AMACR: variants seen among roughly 807,000 people sequenced by gnomAD.
The protein encoded by AMACR is alpha-methylacyl-CoA racemase.
AMACR carries 18 observed loss-of-function variants against 22.2 expected under a neutral mutation model. The observed-to-expected ratio is 0.81, with a 90% CI of 0.56 to 1.20. The LOEUF (loss-of-function observed/expected upper bound fraction) is 1.20. Ranked by LOEUF, AMACR falls within the 50% of genes most tolerant of loss-of-function variation. The pLI is 0.00. For missense variants in AMACR, 499 were observed against 490.6 expected, an observed-to-expected ratio of 1.02 and a Z score of -0.16; for synonymous variants, 213 against 191.3, an observed-to-expected ratio of 1.11 and a Z score of -0.94.
chr5:33,997,796 T>C (rs1290159450), intron 4 of AMACR: 6 of 461,572 alleles, frequency 1.3e-5, no homozygotes, highest in Non-Finnish European at 2.3e-5. Context: ...TCTCAGATGC[T>C]TGCAAAAACA....
At chr5:33,996,960 T>C (rs1378572298) in intron 4 of AMACR, 1 of 565,534 alleles carries the variant, frequency 1.8e-6, no homozygotes, top group African/African-American at 1.9e-5. Flanking sequence ...TGAGGAGTCC[T>C]GGGAGTTGTC....
intron 3 of AMACR, among the ~76,000 whole-genome samples, chr5:34,001,607 T>C (rs1004969854): frequency 5.3e-5 from 8 of 152,188 alleles, no homozygotes; most frequent in African/African-American, 1.9e-4. Flanking sequence ...ACAGTTAATT[T>C]AACAACGCTG....
rs141969465 is a variant in AMACR at position 33,987,983 on chromosome 5, C to A, written c.*1110G>T. The A allele has an allele frequency of 4.0e-4, 76 of 191,008 alleles. No homozygotes were observed. The highest frequency in any genetic ancestry group is 1.8e-3 in the African/African-American group (76 of 43,066). The allele number at this position is 191,008 out of a possible 1,614,324, so 11.8% of individuals were successfully genotyped here. On this transcript the variant is annotated 3_prime_UTR_variant, in exon 5 of 5. Coordinates refer to ENST00000335606, the MANE Select transcript of AMACR (RefSeq NM_014324.6). ...AAGCCCTTCTGAGTCTCTGTTTTCTCAACTGTAAGATGAAGAAACCTGCTC... is the reference window on the plus strand; with the variant it reads ...AAGCCCTTCTGAGTCTCTGTTTTCTAAACTGTAAGATGAAGAAACCTGCTC...
rs1753335514 is a variant in AMACR, at chr5:33,987,675, G to A, written c.*1418C>T. The A allele has an allele frequency of 2.0e-5, 3 of 152,256 alleles. No individual in the cohort carries two copies. The South Asian group carries it at 6.2e-4, about 31-fold the overall frequency. 9.4% of individuals were successfully genotyped at this position (152,256 alleles called of 1,614,324 possible). A position where few individuals can be genotyped will look rare whatever the true frequency, so the allele number is the denominator to read the frequency against. On this transcript the variant is annotated 3_prime_UTR_variant, in exon 5 of 5. Transcript: ENST00000335606. The stretch of plus-strand genomic sequence containing the variant: ...TGGACACCAACATGGAGCAGAAAAT[G>A]AGGGCAGCAGTGTCCAATCTCATTC...
chr5:33,993,265 T>C (rs1054439950), intron 4 of AMACR, among the ~76,000 whole-genome samples: 4 of 152,248 alleles, frequency 2.6e-5, no homozygotes, highest in Non-Finnish European at 4.4e-5. Context: ...TCTTGTTTTT[T>C]TCAGGCTGAA....
At position 33,989,240 on chromosome 5, in the gene AMACR, G is replaced by C; in HGVS notation, c.1002C>G (p.Thr334=). 6.2e-7 allele frequency: 1 copy of C among 1,614,122 alleles called. No individual in the cohort carries two copies. The highest frequency in any genetic ancestry group is 8.5e-7 in the Non-Finnish European group (1 of 1,180,028). ...CCCTTTTGAAAGAAGGGATGGCTGG[G>C]GTGTTTAACAGCAGAGGTGCAGGGC... The part of the protein sequence containing the change: ...SPRPAPLLLN[T]PAIPSFKRDP... The change falls in exon 5 of 5, where the codon ACC becomes ACG. Residue 334 remains threonine, a synonymous_variant. Transcript: ENST00000335606.
At chr5:34,005,929 A>G (rs1298180315) in intron 1 of AMACR, 30 bp from the exon 2 acceptor site, 1 of 1,613,064 alleles carries the variant, frequency 6.2e-7, no homozygotes. Flanking sequence ...TCTTCTTAAG[A>G]GAGTATGAAT....
At chr5:33,995,044 T>C (rs1352753947) in intron 4 of AMACR, among the ~76,000 whole-genome samples, 1 of 152,128 alleles carries the variant, frequency 6.6e-6, no homozygotes, top group Non-Finnish European at 1.5e-5. Flanking sequence ...ATTCCAGAAA[T>C]AAACAATTCA....
chr5:33,999,419 T>C (rs186270423), intron 3 of AMACR, among the ~76,000 whole-genome samples: 22 of 152,356 alleles, frequency 1.4e-4, no homozygotes, highest in African/African-American at 5.1e-4. Context: ...GGCAGGTATG[T>C]GCATTTTCTG....
rs1270777437 is a variant in AMACR, at chr5:33,988,606, G to C, written c.*487C>G. On this transcript the variant is annotated 3_prime_UTR_variant, in exon 5 of 5. Transcript: ENST00000335606. ...AGTGTGATAACTGTTGCTAAAGTTT[G>C]GAATGTGCTTAGAGGGAGATCATGA... The C allele has an allele frequency of 7.6e-7, 1 of 1,310,676 alleles. No individual in the cohort carries two copies. The highest frequency in any genetic ancestry group is 9.7e-7 in the Non-Finnish European group (1 of 1,030,008). The allele number at this position is 1,310,676 out of a possible 1,614,324, so 81.2% of individuals were successfully genotyped here. A position where few individuals can be genotyped will look rare whatever the true frequency, so the allele number is the denominator to read the frequency against.
At chr5:33,991,747 A>ATTATTT (rs1753482387) in intron 4 of AMACR, among the ~76,000 whole-genome samples, 1 of 149,950 alleles carries the variant, frequency 6.7e-6, no homozygotes, top group South Asian at 2.1e-4. Context: ...TATTATTATT[A>ATTATTT]TTATTATTTT....
chr5:33,997,555 T>G (rs1561041414), intron 4 of AMACR: 1 of 777,006 alleles, frequency 1.3e-6, no homozygotes, highest in Non-Finnish European at 2.4e-6. Context: ...TGAATATCAT[T>G]TGCTATCTTC....
chr5:34,005,688 TAATC>T (rs1190651400), intron 2 of AMACR, 64 bp downstream of exon 2: 1 of 1,563,300 alleles, frequency 6.4e-7, no homozygotes, highest in East Asian at 2.3e-5. Context: ...AAATTATTGT[TAATC>T]AACATACCTG....
chr5:33,994,733 G>C (rs9282592), intron 4 of AMACR, among the ~76,000 whole-genome samples: 1 of 152,196 alleles, frequency 6.6e-6, no homozygotes, highest in Non-Finnish European at 1.5e-5. Context: ...TATCATAAAA[G>C]GCTATGGATG....
intron 3 of AMACR, among the ~76,000 whole-genome samples, chr5:33,999,535 C>A (rs1169591716): frequency 6.6e-6 from 1 of 152,170 alleles, no homozygotes. Context: ...CAATAAAGTA[C>A]AATTATCACA....
intron 4 of AMACR, among the ~76,000 whole-genome samples, chr5:33,990,311 G>A (rs944095164): frequency 2.0e-5 from 3 of 152,228 alleles, no homozygotes; most frequent in African/African-American, 7.2e-5. Flanking sequence ...CCAGTCAACA[G>A]TGGGGCATGC....
rs1228798319 is a variant in AMACR at position 33,988,515 on chromosome 5, A to T, written c.*578T>A. 7.1e-7 allele frequency: 1 copy of T among 1,404,078 alleles called. No individual in the cohort carries two copies. The highest frequency in any genetic ancestry group is 9.2e-7 in the Non-Finnish European group (1 of 1,082,850). The allele number at this position is 1,404,078 out of a possible 1,614,324, so 87.0% of individuals were successfully genotyped here. A position where few individuals can be genotyped will look rare whatever the true frequency, so the allele number is the denominator to read the frequency against. On this transcript the variant is annotated 3_prime_UTR_variant, in exon 5 of 5. Transcript: ENST00000335606. The stretch of plus-strand genomic sequence containing the variant: ...CCAACACATTTCCTCATTATTTTGG[A>T]TATGTTTTTTTCAGTTGAAGGCATT...
chr5:33,999,845 T>A (rs1156650342), intron 3 of AMACR, among the ~76,000 whole-genome samples: 1 of 152,228 alleles, frequency 6.6e-6, no homozygotes, highest in Non-Finnish European at 1.5e-5. Context: ...ATAGCTGAGT[T>A]CATGCAAGTG....
In AMACR at chr5:33,988,947, T is replaced by C; in HGVS notation, c.*146A>G. The C allele has an allele frequency of 1.3e-6, 2 of 1,485,144 alleles. No homozygotes were observed. Among genetic ancestry groups the C allele is most frequent in the Non-Finnish European group, 1.8e-6 (2 of 1,121,754 alleles). 92.0% of individuals were successfully genotyped at this position (1,485,144 alleles called of 1,614,324 possible). A position where few individuals can be genotyped will look rare whatever the true frequency, so the allele number is the denominator to read the frequency against. ...CATTTTTAGAATTCAATCATCACTG[T>C]AGAATCAGAGTCTGTAATTCTTTTC... On this transcript the variant is annotated 3_prime_UTR_variant, in exon 5 of 5. Transcript: ENST00000335606.
Sources: gnomAD v4.1 joint callset for allele counts (sites outside exome capture counted in the v4.1 genomes callset) on GRCh38, gnomAD v4.1.1 for gene constraint, MANE v1.5 for transcripts, NCBI Gene and HGNC (gene_info 2026-07-23, HGNC 2026-07-21) for gene names.